The following MAP2K5 variants were observed in gnomAD, a reference collection of about 807,000 sequenced individuals.
The protein encoded by MAP2K5 is mitogen-activated protein kinase kinase 5.
MAP2K5 carries 49 observed loss-of-function variants against 83.1 expected under a neutral mutation model. The observed-to-expected ratio is 0.59, with a 90% CI of 0.47 to 0.75. MAP2K5 has a LOEUF of 0.75. MAP2K5 is among the 30% of genes least tolerant of loss of function. The pLI, the probability that MAP2K5 is intolerant of heterozygous loss-of-function variation, is 0.00. For missense variants in MAP2K5, 457 were observed against 557.5 expected (o/e 0.82, Z 1.82); for synonymous variants, 202 against 191.8 (o/e 1.05, Z -0.44).
At chr15:67,591,518 G>T (rs964009098) in intron 6 of MAP2K5, among the ~76,000 whole-genome samples, 2 of 150,846 alleles carry the variant, frequency 1.3e-5, no homozygotes, top group African/African-American at 4.9e-5. Context: ...TACAGGCGCC[G>T]GCCACCACAC....
intron 7 of MAP2K5, 151 bp from the exon 8 acceptor site, chr15:67,600,534 T>G (rs1270643804): frequency 1.6e-6 from 1 of 629,776 alleles, no homozygotes; most frequent in Non-Finnish European, 2.8e-6. Context: ...TTTTATAAAT[T>G]GGACAGCAAA....
At chr15:67,767,714 G>T (rs1469668096) in intron 19 of MAP2K5, among the ~76,000 whole-genome samples, 2 of 152,138 alleles carry the variant, frequency 1.3e-5, no homozygotes, top group African/African-American at 4.8e-5. Context: ...TGGGACTTCT[G>T]TGGCCATTTT....
At chr15:67,713,640 G>A (rs1333296607) in intron 16 of MAP2K5, among the ~76,000 whole-genome samples, 2 of 152,032 alleles carry the variant, frequency 1.3e-5, no homozygotes, top group African/African-American at 2.4e-5. Flanking sequence ...GGAGGCTGAG[G>A]CAGGACAATT....
At chr15:67,707,312 T>C (rs1186533090) in intron 16 of MAP2K5, among the ~76,000 whole-genome samples, 1 of 152,244 alleles carries the variant, frequency 6.6e-6, no homozygotes, top group African/African-American at 2.4e-5. Context: ...AAGATTCTTA[T>C]TTGTTTTTAC....
rs1365414986 is a variant in MAP2K5, at chr15:67,755,024, G to C, written c.1134+6423G>C. On this transcript the variant is annotated intron_variant, in intron 19 of 21. Coordinates refer to ENST00000178640, the MANE Select transcript of MAP2K5 (RefSeq NM_145160.3). This position sits in a 1 kb window ranked among gnomAD's most constrained non-coding sequence, Gnocchi z 4.7. ...TCTTGCTCTGTTTGCCCAGGCTAGA[G>C]TGTGCAGTGGCACAATCTTGGCTCA... is the stretch of plus-strand genomic sequence containing the variant. Among the ~76,000 whole-genome samples, 1 of 152,174 alleles carries C rather than the reference G, an allele frequency of 6.6e-6. No homozygotes were observed. Among genetic ancestry groups the C allele is most frequent in the Non-Finnish European group, 1.5e-5 (1 of 68,024 alleles).
At chr15:67,593,016 A>T in intron 7 of MAP2K5, 42 bp downstream of exon 7, 1 of 1,292,864 alleles carries the variant, frequency 7.7e-7, no homozygotes, top group Non-Finnish European at 1.1e-6. Flanking sequence ...TAATAATAAC[A>T]TATTACCGTC....
At chr15:67,666,052 A>G (rs1021409264) in intron 13 of MAP2K5, among the ~76,000 whole-genome samples, 1 of 152,206 alleles carries the variant, frequency 6.6e-6, no homozygotes, top group African/African-American at 2.4e-5. Context: ...ATGGACATCT[A>G]TCCATTTGAC....
intron 16 of MAP2K5, among the ~76,000 whole-genome samples, chr15:67,725,967 C>T (rs2089084052): frequency 6.6e-6 from 1 of 152,208 alleles, no homozygotes. Context: ...AGACAACAAA[C>T]ATAATCACAC....
chr15:67,669,486 C>T (rs942274413), intron 13 of MAP2K5, among the ~76,000 whole-genome samples: 1 of 151,890 alleles, frequency 6.6e-6, no homozygotes, highest in Non-Finnish European at 1.5e-5. Context: ...AGGATGTGCC[C>T]GGAGTGTTAG....
chr15:67,547,077 A>AACACAC (rs59269114), intron 1 of MAP2K5, among the ~76,000 whole-genome samples: 5,400 of 144,072 alleles, frequency 0.037, 222 homozygotes, highest in African/African-American at 0.09. Context: ...AAAAGAAGAA[A>AACACAC]ACACACACAC....
chr15:67,580,796 A>G lies in MAP2K5; in HGVS notation c.295A>G (p.Ile99Val), dbSNP rs552679065. ...GGAACAGCAAGTAAATGGACAGTTA[A>G]TAGAGCCTCTGCAGATATTTCCAAG... Reference protein sequence around the residue: ...VMEQQVNGQLIEPLQIFPRAC... With the variant: ...VMEQQVNGQLVEPLQIFPRAC... The change falls in exon 4 of 22, where the codon ATA becomes GTA. Residue 99 changes from isoleucine (I) to valine (V), a missense_variant. Around this residue, in one of 3 missense-constraint regions of MAP2K5, gnomAD observed 234 missense variants for 243.6 expected, o/e 0.96. Coordinates refer to ENST00000178640, the MANE Select transcript of MAP2K5 (RefSeq NM_145160.3). The G allele has an allele frequency of 2.4e-5, 39 of 1,609,300 alleles. No individual in the cohort carries two copies. The East Asian group carries it at 8.3e-4, about 34-fold the overall frequency.
chr15:67,592,734 GT>G (rs1238338131), intron 6 of MAP2K5, among the ~76,000 whole-genome samples, 191 bp from the exon 7 acceptor site: 1 of 152,108 alleles, frequency 6.6e-6, no homozygotes, highest in African/African-American at 2.4e-5. Flanking sequence ...TACTAACAGG[GT>G]TTTAGTCTCT....
Position 67,793,211 on chromosome 15 carries a change from T to C in MAP2K5, c.1243-13435T>C, listed in dbSNP as rs899508545. ...ATCTGAGCCCAGGAGTTCAAAGGTG[T>C]AGTGCGGAATGATTGTGCTTGTGAA... On this transcript the variant is annotated intron_variant, in intron 21 of 21. Transcript: ENST00000178640. The surrounding 1 kb of genome is among the most constrained non-coding windows in gnomAD (Gnocchi z 4.6). Among the ~76,000 whole-genome samples the C allele has an allele frequency of 6.6e-6, 1 of 152,124 alleles. No homozygotes were observed. The highest frequency in any genetic ancestry group is 6.5e-5 in the Admixed American group (1 of 15,276).
intron 9 of MAP2K5, among the ~76,000 whole-genome samples, chr15:67,633,628 A>G (rs1045328073): frequency 6.6e-6 from 1 of 152,234 alleles, no homozygotes; most frequent in African/African-American, 2.4e-5. Context: ...TATACTGTTC[A>G]CTAGACCTGA....
intron 5 of MAP2K5, 71 bp downstream of exon 5, chr15:67,586,001 T>A: frequency 2.8e-6 from 4 of 1,404,704 alleles, no homozygotes; most frequent in Non-Finnish European, 4.0e-6. Flanking sequence ...TATTGAAATG[T>A]CAAATAAAAC....
chr15:67,665,200 A>C lies in MAP2K5; in HGVS notation c.847+555A>C, dbSNP rs1321729506. ...CTGGCCAAAAGTAAAACTTTAAATA[A>C]GTTATTGGTGAAAGCATCAGGAATA... On this transcript the variant is annotated intron_variant, in intron 13 of 21. Coordinates refer to ENST00000178640, the MANE Select transcript of MAP2K5 (RefSeq NM_145160.3). The surrounding 1 kb of genome is among the most constrained non-coding windows in gnomAD (Gnocchi z 4.2). Among the ~76,000 whole-genome samples, 2 of 152,170 alleles carry C rather than the reference A, an allele frequency of 1.3e-5. No homozygotes were observed. Among genetic ancestry groups the C allele is most frequent in the Non-Finnish European group, 2.9e-5 (2 of 68,016 alleles).
At chr15:67,797,583 T>C (rs2141341026) in intron 21 of MAP2K5, among the ~76,000 whole-genome samples, 1 of 152,378 alleles carries the variant, frequency 6.6e-6, no homozygotes, top group South Asian at 2.1e-4. Flanking sequence ...TGTTTCTCTT[T>C]GGTGCTTGCA....
At chr15:67,600,010 C>T (rs1016884369) in intron 7 of MAP2K5, among the ~76,000 whole-genome samples, 3 of 151,980 alleles carry the variant, frequency 2.0e-5, no homozygotes, top group East Asian at 3.8e-4. Flanking sequence ...TATAAAGTTA[C>T]GAAAATGACT....
intron 9 of MAP2K5, among the ~76,000 whole-genome samples, chr15:67,645,161 G>T (rs1429791909): frequency 3.3e-5 from 5 of 152,104 alleles, no homozygotes; most frequent in South Asian, 2.1e-4. Context: ...AACAGAGCAA[G>T]ACTCTGTCTC....
Sources: allele counts gnomAD v4.1 joint callset (sites outside exome capture counted in the v4.1 genomes callset), GRCh38; gene constraint gnomAD v4.1.1; regional missense constraint gnomAD v4.1.1; non-coding constraint Gnocchi (gnomAD v3.1); transcripts MANE v1.5; gene names NCBI Gene and HGNC (gene_info 2026-07-23, HGNC 2026-07-21).